The following BTBD9 variants were observed in gnomAD, a reference collection of about 807,000 sequenced individuals.
BTBD9 encodes BTB domain containing 9.
BTBD9 carries 49 observed loss-of-function variants against 64.3 expected under a neutral mutation model. The observed-to-expected ratio is 0.76, with a 90% CI of 0.61 to 0.97. BTBD9 has a LOEUF of 0.97. BTBD9 is among the 50% of genes least tolerant of loss of function. The pLI is 0.00. For synonymous variants in BTBD9, 260 were observed against 274.7 expected (o/e 0.95, Z 0.53); for missense variants, 598 against 762.1 (o/e 0.78, Z 2.53).
chr6:38,541,160 T>C (rs1774249746), intron 6 of BTBD9, among the ~76,000 whole-genome samples: 2 of 152,236 alleles, frequency 1.3e-5, no homozygotes, highest in African/African-American at 4.8e-5. Context: ...ATATTTATTC[T>C]AATTTTTGTT....
At chr6:38,379,433 T>G (rs1474552620) in intron 6 of BTBD9, among the ~76,000 whole-genome samples, 2 of 152,124 alleles carry the variant, frequency 1.3e-5, no homozygotes, top group Non-Finnish European at 2.9e-5. Context: ...GCGGGTTTGC[T>G]CTACTAAAAT....
At chr6:38,367,119 A>C (rs1477427673) in intron 6 of BTBD9, among the ~76,000 whole-genome samples, 1 of 152,246 alleles carries the variant, frequency 6.6e-6, no homozygotes. Context: ...TTTCTGACTT[A>C]ATGAACCACA....
chr6:38,483,927 T>C (rs1266743338), intron 6 of BTBD9, among the ~76,000 whole-genome samples: 1 of 152,234 alleles, frequency 6.6e-6, no homozygotes, highest in Non-Finnish European at 1.5e-5. Flanking sequence ...TGTCAAACTA[T>C]GACTAGTCAG....
In BTBD9 at chr6:38,330,468, C is replaced by T. The variant is rs190899576; in HGVS notation, c.1264+14516G>A. Reference sequence around the variant, plus strand: ...TTGGGAGGCTGAGGTGAGAGTATCACTTAAGCCCAGGAGTTTGAGGACAGC... The same window carrying T: ...TTGGGAGGCTGAGGTGAGAGTATCATTTAAGCCCAGGAGTTTGAGGACAGC... On this transcript the variant is annotated intron_variant, in intron 7 of 10. Transcript: ENST00000481247. 1.3e-3 allele frequency among the ~76,000 whole-genome samples: 200 copies of T among 152,230 alleles called. 2 individuals are homozygous for T. Among genetic ancestry groups the T allele is most frequent in the Admixed American group, 3.7e-3 (56 of 15,282 alleles).
intron 6 of BTBD9, among the ~76,000 whole-genome samples, chr6:38,480,771 G>A (rs967330999): frequency 6.6e-6 from 1 of 152,116 alleles, no homozygotes; most frequent in Admixed American, 6.5e-5. Context: ...TCCTCTGAGT[G>A]GATGATTCCA....
intron 10 of BTBD9, among the ~76,000 whole-genome samples, chr6:38,183,919 G>A (rs1761695166): frequency 1.3e-5 from 2 of 152,198 alleles, no homozygotes; most frequent in African/African-American, 4.8e-5. Flanking sequence ...CCAGGCACTG[G>A]GCTGGGTGCT....
intron 9 of BTBD9, among the ~76,000 whole-genome samples, chr6:38,236,882 T>C (rs1237278570): frequency 6.6e-6 from 1 of 152,200 alleles, no homozygotes; most frequent in East Asian, 1.9e-4. Context: ...TCATTGAATG[T>C]TGTGTCCAGG....
At chr6:38,525,075 C>T (rs1036119893) in intron 6 of BTBD9, among the ~76,000 whole-genome samples, 4 of 152,128 alleles carry the variant, frequency 2.6e-5, no homozygotes, top group Non-Finnish European at 4.4e-5. Context: ...CATGATGGCA[C>T]GATCAGCACT....
chr6:38,542,594 A>G (rs1289136593), intron 6 of BTBD9, among the ~76,000 whole-genome samples: 1 of 152,186 alleles, frequency 6.6e-6, no homozygotes, highest in Admixed American at 6.6e-5. Context: ...GTATTTTTAT[A>G]AACTACTTAC....
chr6:38,237,976 TA>T (rs527440887), intron 9 of BTBD9, among the ~76,000 whole-genome samples: 8 of 151,874 alleles, frequency 5.3e-5, no homozygotes, highest in African/African-American at 1.9e-4. Flanking sequence ...TGTCTCTATT[TA>T]AAAAAAATAG....
intron 6 of BTBD9, among the ~76,000 whole-genome samples, chr6:38,479,159 TGAAA>T (rs1228777630): frequency 6.6e-6 from 1 of 152,196 alleles, no homozygotes; most frequent in African/African-American, 2.4e-5. Flanking sequence ...GCTCTGGCTA[TGAAA>T]GAGTTTCCAA....
intron 6 of BTBD9, among the ~76,000 whole-genome samples, chr6:38,417,434 G>A (rs1767716028): frequency 6.6e-6 from 1 of 152,140 alleles, no homozygotes; most frequent in Admixed American, 6.5e-5. Context: ...TCTCCTAAAG[G>A]GTAAGGCTTT....
At chr6:38,456,100 G>GCGT (rs1769792923) in intron 6 of BTBD9, among the ~76,000 whole-genome samples, 1 of 151,864 alleles carries the variant, frequency 6.6e-6, no homozygotes, top group African/African-American at 2.4e-5. Context: ...TCATTCTTCT[G>GCGT]CGTCAGCCTC....
intron 8 of BTBD9, among the ~76,000 whole-genome samples, chr6:38,260,169 A>C (rs1398972023): frequency 6.6e-6 from 1 of 152,222 alleles, no homozygotes; most frequent in East Asian, 1.9e-4. Flanking sequence ...TGCTTCAAAC[A>C]TGTAGGCTCT....
At chr6:38,328,376 A>AG (rs1297932567) in intron 7 of BTBD9, among the ~76,000 whole-genome samples, 1 of 152,146 alleles carries the variant, frequency 6.6e-6, no homozygotes, top group Admixed American at 6.5e-5. Context: ...CCTTATAAGA[A>AG]GAGGAAGAAA....
At chr6:38,245,161 A>C (rs552382083) in intron 9 of BTBD9, among the ~76,000 whole-genome samples, 1 of 152,246 alleles carries the variant, frequency 6.6e-6, no homozygotes, top group Non-Finnish European at 1.5e-5. Flanking sequence ...AGAGTGAGTA[A>C]AACACCAAAT....
At chr6:38,613,025 T>C (rs1270999903) in intron 1 of BTBD9, 1 of 152,198 alleles carries the variant, frequency 6.6e-6, no homozygotes, top group Non-Finnish European at 1.5e-5. Flanking sequence ...AGGGCCAAAT[T>C]GAGACGAGCT....
At chr6:38,448,493 C>A (rs138464687) in intron 6 of BTBD9, among the ~76,000 whole-genome samples, 3 of 152,082 alleles carry the variant, frequency 2.0e-5, no homozygotes, top group African/African-American at 7.2e-5. Flanking sequence ...GTTCCTATCC[C>A]GCTCTTTTTT....
chr6:38,606,502 T>C (rs1777437322), intron 1 of BTBD9, among the ~76,000 whole-genome samples: 1 of 152,200 alleles, frequency 6.6e-6, no homozygotes, highest in African/African-American at 2.4e-5. Context: ...TTGATTATTT[T>C]AAATGATTAA....
Sources: gnomAD v4.1 joint callset for allele counts (sites outside exome capture counted in the v4.1 genomes callset) on GRCh38, gnomAD v4.1.1 for gene constraint, MANE v1.5 for transcripts, NCBI Gene and HGNC (gene_info 2026-07-23, HGNC 2026-07-21) for gene names.